The following DNAH9 variants were observed in gnomAD, a reference collection of about 807,000 sequenced individuals.
DNAH9 encodes the protein DNAH9 variant protein.
Under a neutral mutation model 471.6 loss-of-function variants are expected in DNAH9, and 345 were observed. The observed-to-expected ratio is 0.73, with a 90% CI of 0.67 to 0.80. The LOEUF is 0.80. DNAH9 is among the 30% of genes least tolerant of loss of function. The pLI, the probability that DNAH9 is intolerant of heterozygous loss-of-function variation, is 0.00. For missense variants in DNAH9, 5,407 were observed against 5,609.2 expected, an observed-to-expected ratio of 0.96 and a Z score of 1.15; for synonymous variants, 2,093 against 2,123.6, an observed-to-expected ratio of 0.99 and a Z score of 0.40.
chr17:11,850,050 A>G (rs1353355284), intron 49 of DNAH9, among the ~76,000 whole-genome samples: 1 of 152,322 alleles, frequency 6.6e-6, no homozygotes, highest in East Asian at 1.9e-4. Flanking sequence ...GGCAAGAGAC[A>G]ATAAATACAA....
chr17:11,865,803 T>G (rs1376426968), intron 50 of DNAH9, among the ~76,000 whole-genome samples: 2 of 152,256 alleles, frequency 1.3e-5, no homozygotes, highest in African/African-American at 4.8e-5. Flanking sequence ...TTCTTCCAGT[T>G]GATCACATTG....
At chr17:11,881,491 G>A in intron 55 of DNAH9, 78 bp downstream of exon 55, 3 of 1,452,760 alleles carry the variant, frequency 2.1e-6, no homozygotes, top group Non-Finnish European at 1.8e-6. Flanking sequence ...GCAGAGGGGG[G>A]CTGTTTTTCC....
intron 12 of DNAH9, among the ~76,000 whole-genome samples, chr17:11,649,796 ATTC>A (rs2073467897): frequency 6.6e-6 from 1 of 152,142 alleles, no homozygotes; most frequent in South Asian, 2.1e-4. Flanking sequence ...ATGTATATTT[ATTC>A]TTCTTTGAAT....
chr17:11,829,704 C>G (rs184585826), intron 48 of DNAH9, among the ~76,000 whole-genome samples: 2 of 152,292 alleles, frequency 1.3e-5, no homozygotes, highest in Admixed American at 1.3e-4. Flanking sequence ...AACTCTTGGC[C>G]TCAGGTGATC....
chr17:11,959,167 G>A (rs575432845), intron 67 of DNAH9, among the ~76,000 whole-genome samples: 3 of 152,222 alleles, frequency 2.0e-5, no homozygotes, highest in African/African-American at 7.2e-5. Context: ...ATTTAATTGT[G>A]AGGGACTGCC....
At chr17:11,832,992 C>A (rs1970726635) in intron 48 of DNAH9, among the ~76,000 whole-genome samples, 1 of 152,184 alleles carries the variant, frequency 6.6e-6, no homozygotes, top group Non-Finnish European at 1.5e-5. Flanking sequence ...AAACAGATTG[C>A]CACCCCCAGA....
chr17:11,729,444 C>T (rs1231073771), intron 28 of DNAH9, among the ~76,000 whole-genome samples: 1 of 152,134 alleles, frequency 6.6e-6, no homozygotes, highest in African/African-American at 2.4e-5. Flanking sequence ...GTGTGTGCCG[C>T]ACACCATATA....
chr17:11,807,856 A>T lies in DNAH9; in HGVS notation c.8545A>T (p.Ile2849Phe), dbSNP rs1969750153. The part of the protein sequence containing the change: ...AFISSMDVFQ[I>F]TLRKGYQIQD... ...CATCAGCTCCATGGATGTCTTCCAG[A>T]TCACACTGCGCAAAGGCTACCAGAT... The change falls in exon 44 of 69, where the codon ATC becomes TTC. Residue 2849 changes from isoleucine to phenylalanine, a missense_variant. Ile to Phe is a conservative substitution (Grantham distance 21). Coordinates refer to ENST00000262442, the MANE Select transcript of DNAH9 (RefSeq NM_001372.4). The T allele has an allele frequency of 1.2e-6, 2 of 1,613,852 alleles. No homozygotes were observed. The highest frequency in any genetic ancestry group is 1.7e-6 in the Non-Finnish European group (2 of 1,179,782).
intron 57 of DNAH9, among the ~76,000 whole-genome samples, chr17:11,890,252 G>A (rs1389340310): frequency 6.6e-6 from 1 of 152,140 alleles, no homozygotes; most frequent in Non-Finnish European, 1.5e-5. Flanking sequence ...ATTGCTCTCT[G>A]TGGTGCTGGG....
chr17:11,776,379 G>A (rs1968435014), intron 38 of DNAH9, among the ~76,000 whole-genome samples: 1 of 151,948 alleles, frequency 6.6e-6, no homozygotes, highest in African/African-American at 2.4e-5. Flanking sequence ...AAGTGGTAGG[G>A]GGAGATAGAG....
Position 11,690,217 on chromosome 17 carries a change from T to G in DNAH9, c.4395T>G (p.Asp1465Glu), listed in dbSNP as rs1409354874. The change falls in exon 20 of 69, where the codon GAT becomes GAG. Residue 1465 changes from aspartate to glutamate, a missense_variant. Asp to Glu is a conservative substitution (Grantham distance 45, BLOSUM62 2). This residue lies in a region of DNAH9 where 4,636 missense variants were observed against 4,900.3 expected (regional missense o/e 0.95). Transcript: ENST00000262442. ...CCAATGTCCCCCTCCTGTGCTCTGA[T>G]GAGGACCTCATAGAGGTTCTGGAGG... is the stretch of plus-strand genomic sequence containing the variant. Reference protein sequence around the residue: ...PRTNVPLLCSDEDLIEVLEDN... With the variant: ...PRTNVPLLCSEEDLIEVLEDN... 2.5e-6 allele frequency: 4 copies of G among 1,614,168 alleles called. 1 individual carries two copies. The South Asian group carries it at 4.4e-5, about 18-fold the overall frequency.
At chr17:11,888,188 G>A (rs542156497) in intron 57 of DNAH9, among the ~76,000 whole-genome samples, 2 of 151,878 alleles carry the variant, frequency 1.3e-5, no homozygotes, top group Non-Finnish European at 2.9e-5. Context: ...GTTTCACTGT[G>A]TTAGCCAGGA....
chr17:11,704,771 C>T lies in DNAH9; in HGVS notation c.5392-254C>T, dbSNP rs983493716. On this transcript the variant is annotated intron_variant, in intron 25 of 68. Transcript: ENST00000262442. ...GCTAACTTTGTATTTTTAGTAGAGA[C>T]GGGGTTTCTCCATGTTGGTCAGGCT... Among the ~76,000 whole-genome samples the T allele has an allele frequency of 5.9e-5, 9 of 152,066 alleles. No homozygotes were observed. In the South Asian group the frequency reaches 6.2e-4, roughly 11 times the overall value.
rs377415601 is a variant in DNAH9, at chr17:11,617,563, C to T, written c.1057C>T (p.Arg353Cys). The change falls in exon 5 of 69, where the codon CGC (arginine) becomes TGC (cysteine). Residue 353 changes from arginine to cysteine, a missense_variant. Arg to Cys is a radical substitution (Grantham distance 180). Around this residue, in one of 3 missense-constraint regions of DNAH9, gnomAD observed 767 missense variants for 692.5 expected, o/e 1.11. Coordinates refer to ENST00000262442, the MANE Select transcript of DNAH9 (RefSeq NM_001372.4). ...GATTTGGGCCACATGCAAGTCCTAC[C>T]GCTCCCCGGGAAGGCTGACTGTGCT... Reference protein sequence around the residue: ...CLIWATCKSYRSPGRLTVLLQ... With the variant: ...CLIWATCKSYCSPGRLTVLLQ... 23 of 1,614,014 alleles carry T rather than the reference C, an allele frequency of 1.4e-5. No individual in the cohort carries two copies. Among genetic ancestry groups the T allele is most frequent in the Admixed American group, 3.3e-5 (2 of 60,004 alleles).
chr17:11,676,725 T>C (rs2150736920), intron 17 of DNAH9, among the ~76,000 whole-genome samples: 1 of 152,280 alleles, frequency 6.6e-6, no homozygotes, highest in South Asian at 2.1e-4. Flanking sequence ...CCTTTACTAC[T>C]TTGGATTTAT....
rs781276933 is a variant in DNAH9, at chr17:11,937,384, C to T, written c.12522C>T (p.Pro4174=). 5.0e-6 allele frequency: 8 copies of T among 1,613,626 alleles called. No homozygotes were observed. In the East Asian group the frequency reaches 1.3e-4, roughly 27 times the overall value. Reference sequence around the variant, plus strand: ...ATGCTGAGCTGCCCCCAGAATCCCCCTACCTCTATGGCCTCCACCCGAACG... The same window carrying T: ...ATGCTGAGCTGCCCCCAGAATCCCCTTACCTCTATGGCCTCCACCCGAACG... ...YIDAELPPES[P]YLYGLHPNAE... The change falls in exon 66 of 69, where the codon CCC becomes CCT. Residue 4174 remains proline, a synonymous_variant. Coordinates refer to ENST00000262442, the MANE Select transcript of DNAH9 (RefSeq NM_001372.4). This position sits in a 1 kb window ranked among gnomAD's most constrained non-coding sequence, Gnocchi z 4.1.
chr17:11,906,312 T>C (rs571465684), intron 61 of DNAH9, among the ~76,000 whole-genome samples: 40 of 152,296 alleles, frequency 2.6e-4, no homozygotes, highest in African/African-American at 9.6e-4. Flanking sequence ...TCAATTCCCA[T>C]TAATGATAGA....
chr17:11,765,026 A>T (rs549593752), intron 36 of DNAH9, among the ~76,000 whole-genome samples: 1 of 152,336 alleles, frequency 6.6e-6, no homozygotes, highest in Admixed American at 6.5e-5. Flanking sequence ...TAGCTCTGCC[A>T]CTATTATCTG....
rs1338728450 is a variant in DNAH9 at position 11,891,798 on chromosome 17, A to C, written c.11134A>C (p.Lys3712Gln). The part of the protein sequence containing the change: ...SLKAFSIVFQ[K>Q]AVERAAPDES... Reference sequence around the variant, plus strand: ...CCAGGCCTTCAGTATCGTCTTCCAGAAGGCTGTGGAGAGGGCTGCTCCTGA... The same window carrying C: ...CCAGGCCTTCAGTATCGTCTTCCAGCAGGCTGTGGAGAGGGCTGCTCCTGA... The change falls in exon 58 of 69, where the codon AAG becomes CAG. Residue 3712 changes from lysine (K) to glutamine (Q), a missense_variant. Physicochemically the swap from Lys to Gln is moderately conservative, Grantham distance 53 (BLOSUM62 1). Coordinates refer to ENST00000262442, the MANE Select transcript of DNAH9 (RefSeq NM_001372.4). 1 of 1,613,914 alleles carries C rather than the reference A, an allele frequency of 6.2e-7. No homozygotes were observed. Among genetic ancestry groups the C allele is most frequent in the African/African-American group, 1.3e-5 (1 of 74,884 alleles).
Sources: allele counts gnomAD v4.1 joint callset (sites outside exome capture counted in the v4.1 genomes callset), GRCh38; gene constraint gnomAD v4.1.1; regional missense constraint gnomAD v4.1.1; non-coding constraint Gnocchi (gnomAD v3.1); transcripts MANE v1.5; gene names NCBI Gene and HGNC (gene_info 2026-07-23, HGNC 2026-07-21).